The following KDM5D variants were observed in gnomAD, a reference collection of about 807,000 sequenced individuals.
KDM5D encodes the protein lysine-specific demethylase 5D.
Under a neutral mutation model 31.9 loss-of-function variants are expected in KDM5D, and 25 were observed. That is an observed-to-expected ratio of 0.78 (90% CI 0.57 to 1.09). KDM5D has a LOEUF of 1.09. Ranked by LOEUF, KDM5D falls within the 50% of genes least tolerant of loss-of-function variation. KDM5D has a pLI of 0.00. For missense variants in KDM5D, 366 were observed against 341.6 expected (o/e 1.07, Z -0.56); for synonymous variants, 146 against 122.3 (o/e 1.19, Z -1.28).
intron 22 of KDM5D, 25 bp downstream of exon 22, chrY:19,708,219 T>G: frequency 2.6e-6 from 1 of 389,278 alleles, no homozygotes; most frequent in South Asian, 3.1e-5. Context: ...AAGAAGAGGC[T>G]GTGGGTCAGG....
chrY:19,736,976 A>G (rs922231686), intron 6 of KDM5D, among the ~76,000 whole-genome samples: 2 of 33,432 alleles, frequency 6.0e-5, no homozygotes, highest in Non-Finnish European at 1.5e-4. Context: ...AGAAATACCA[A>G]TAAAGGCTGT....
chrY:19,710,063 T>A, intron 19 of KDM5D: 1 of 354,363 alleles, frequency 2.8e-6, no homozygotes, highest in Non-Finnish European at 3.8e-6. Context: ...TCTAGTAAGC[T>A]TTCTAAGACT....
Position 19,706,260 on chromosome Y carries a change from C to T in KDM5D, c.4355G>A (p.Arg1452Lys), listed in dbSNP as rs1386551959. ...CTGTTGAACAAGATTCTCAACGTTT[C>T]TACCCTGATCCACCTTCTGCCGCCG... Reference protein sequence around the residue: ...RRRRQKVDQGRNVENLVQQEL... With the variant: ...RRRRQKVDQGKNVENLVQQEL... Residue 1452 changes from arginine (R) to lysine (K), a missense_variant, in exon 27 of 27, where the codon AGA (arginine) becomes AAA (lysine). Coordinates refer to ENST00000317961, the MANE Select transcript of KDM5D (RefSeq NM_004653.5). 6 of 396,683 alleles carry T rather than the reference C, an allele frequency of 1.5e-5. No homozygotes were observed. Among genetic ancestry groups the T allele is most frequent in the Non-Finnish European group, 2.1e-5 (6 of 282,567 alleles).
At chrY:19,718,150 G>GT (rs1603545808) in intron 13 of KDM5D, among the ~76,000 whole-genome samples, 13 of 34,433 alleles carry the variant, frequency 3.8e-4, no homozygotes, top group African/African-American at 1.5e-3. Context: ...ATGGAAAGCA[G>GT]TAAGTTCCTC....
intron 6 of KDM5D, among the ~76,000 whole-genome samples, chrY:19,738,285 T>C: frequency 2.9e-5 from 1 of 33,982 alleles, no homozygotes; most frequent in Non-Finnish European, 7.3e-5. Context: ...TGTTCATTTT[T>C]CTTATTCAGT....
chrY:19,711,748 AAACAT>A (rs2045299928), intron 18 of KDM5D, among the ~76,000 whole-genome samples: 2 of 33,440 alleles, frequency 6.0e-5, no homozygotes, highest in African/African-American at 2.3e-4. Context: ...AATGAAGACA[AAACAT>A]AAGAAACTAA....
chrY:19,743,817 G>C, intron 2 of KDM5D, among the ~76,000 whole-genome samples: 1 of 34,050 alleles, frequency 2.9e-5, no homozygotes, highest in Non-Finnish European at 7.3e-5. Flanking sequence ...GACAGCCCAG[G>C]CTTATTTCAG....
intron 11 of KDM5D, among the ~76,000 whole-genome samples, chrY:19,731,161 A>G: frequency 3.0e-5 from 1 of 33,539 alleles, no homozygotes; most frequent in Admixed American, 2.7e-4. Flanking sequence ...TAATTTCTCA[A>G]ATGTTCAAAT....
rs1397530857 is a variant in KDM5D at position 19,721,201 on chromosome Y, C to T, written c.1482G>A (p.Val494=). The T allele has an allele frequency of 2.5e-6, 1 of 397,927 alleles. No homozygotes were observed. The highest frequency in any genetic ancestry group is 9.2e-5 in the East Asian group (1 of 10,834). ...ISGMKVPWLY[V]GMVFSAFCWH... is the part of the protein sequence containing the mutation. Reference sequence around the variant, plus strand: ...AACAAAATGCTGAGAAAACCATGCCCACGTACAGCCAGGGCACCTTCATGC... The same window carrying T: ...AACAAAATGCTGAGAAAACCATGCCTACGTACAGCCAGGGCACCTTCATGC... Residue 494 remains valine, a synonymous_variant, in exon 12 of 27, where the codon GTG becomes GTA. Transcript: ENST00000317961.
chrY:19,705,367 T>A lies in KDM5D; in HGVS notation c.*628A>T, dbSNP rs1603545671. 2 of 33,847 alleles carry A rather than the reference T, an allele frequency of 5.9e-5. No individual in the cohort carries two copies. Among genetic ancestry groups the A allele is most frequent in the Non-Finnish European group, 1.5e-4 (2 of 13,654 alleles). The allele number at this position is 33,847 out of a possible 400,897, so 8.4% of individuals were successfully genotyped here. Reference sequence around the variant, plus strand: ...TACGTTGACCCATGCTACTGTTGTTTCCTAACCTCAGTCCTTCACTCGTAC... The same window carrying A: ...TACGTTGACCCATGCTACTGTTGTTACCTAACCTCAGTCCTTCACTCGTAC... On this transcript the variant is annotated 3_prime_UTR_variant, in exon 27 of 27. Transcript: ENST00000317961.
intron 5 of KDM5D, among the ~76,000 whole-genome samples, chrY:19,740,347 T>A: frequency 3.1e-5 from 1 of 32,357 alleles, no homozygotes; most frequent in African/African-American, 1.2e-4. Flanking sequence ...GTCAGGTAGA[T>A]CACGAGGTCA....
In KDM5D at chrY:19,739,611, G is replaced by A; in HGVS notation, c.574C>T (p.Pro192Ser). ...DNEVKDKEYK[P>S]HSIPLRQSVQ... ...GACTGTCTAAGGGGGATGCTGTGGG[G>A]CTTGTATTCCTTATCTTTTACCTCA... is the stretch of plus-strand genomic sequence containing the variant. The change falls in exon 6 of 27, where the codon CCC (proline) becomes TCC (serine). Residue 192 changes from proline (P) to serine (S), a missense_variant. Physicochemically the swap from Pro to Ser is moderately conservative, Grantham distance 74 (BLOSUM62 -1). Coordinates refer to ENST00000317961, the MANE Select transcript of KDM5D (RefSeq NM_004653.5). 1 of 395,380 alleles carries A rather than the reference G, an allele frequency of 2.5e-6. No homozygotes were observed. Among genetic ancestry groups the A allele is most frequent in the Non-Finnish European group, 3.6e-6 (1 of 280,873 alleles).
Position 19,704,556 on chromosome Y carries a change from A to G in KDM5D, c.*1439T>C. ...CAGTATCAAAGAAAGAAAGAGGTGA[A>G]AAGAGTAGACAATAAGGAAGGTAGG... On this transcript the variant is annotated 3_prime_UTR_variant, in exon 27 of 27. Coordinates refer to ENST00000317961, the MANE Select transcript of KDM5D (RefSeq NM_004653.5). 1 of 32,739 alleles carries G rather than the reference A, an allele frequency of 3.1e-5. No homozygotes were observed. Among genetic ancestry groups the G allele is most frequent in the Non-Finnish European group, 7.5e-5 (1 of 13,378 alleles). 8.2% of individuals were successfully genotyped at this position (32,739 alleles called of 400,897 possible).
chrY:19,709,668 G>A lies in KDM5D; in HGVS notation c.2725C>T (p.Gln909Ter). 2.5e-6 allele frequency: 1 copy of A among 395,712 alleles called. No homozygotes were observed. The highest frequency in any genetic ancestry group is 7.6e-5 in the Admixed American group (1 of 13,160). Residue 909 changes from glutamine to a stop codon, truncating the protein, a stop_gained, in exon 20 of 27, where the codon CAG becomes TAG. Transcript: ENST00000317961. LOFTEE classifies it high-confidence loss of function. Reference protein sequence around the residue: ...GVEVPEAHQLQQQVEQAQWLD... With the variant: ...GVEVPEAHQL ...CATTGCGCCTGCTCCACCTGCTGCT[G>A]AAGCTGATGGGCTTCAGGCACCTCT...
intron 10 of KDM5D, 48 bp from the exon 11 acceptor site, chrY:19,731,978 C>T (rs72625372): frequency 7.4e-5 from 29 of 392,424 alleles, no homozygotes; most frequent in Middle Eastern, 5.9e-4. Flanking sequence ...ATACTTTGGA[C>T]TCATGTCTCC....
At position 19,709,553 on chromosome Y, in the gene KDM5D, ATC is replaced by A. The variant is rs2045279791; in HGVS notation, c.2838_2839del (p.Lys946AsnfsTer13). Reference sequence around the variant, plus strand: ...CTTGTCCACAGAAGGGCTGGAGGCTATCTTGGCACCCATAACCAAAAGCCCCT... The same window carrying A: ...CTTGTCCACAGAAGGGCTGGAGGCTATTGGCACCCATAACCAAAAGCCCCT... On this transcript the variant is annotated frameshift_variant, in exon 20 of 27. Transcript: ENST00000317961. LOFTEE classifies it high-confidence loss of function. 2.5e-6 allele frequency: 1 copy of A among 396,953 alleles called. No individual in the cohort carries two copies. The highest frequency in any genetic ancestry group is 3.5e-6 in the Non-Finnish European group (1 of 283,175).
chrY:19,720,454 C>T, intron 13 of KDM5D, among the ~76,000 whole-genome samples: 2 of 33,405 alleles, frequency 6.0e-5, no homozygotes, highest in African/African-American at 1.2e-4. Flanking sequence ...CCATGTACCA[C>T]ATACACATTG....
intron 18 of KDM5D, chrY:19,710,744 C>T: frequency 9.7e-6 from 1 of 102,959 alleles, no homozygotes. Context: ...ACCATGCCAC[C>T]ACGGTACTAC....
chrY:19,744,719 C>G lies in KDM5D; in HGVS notation c.-68G>C. 1 of 129,129 alleles carries G rather than the reference C, an allele frequency of 7.7e-6. No individual in the cohort carries two copies. The allele number at this position is 129,129 out of a possible 400,897, so 32.2% of individuals were successfully genotyped here. A position where few individuals can be genotyped will look rare whatever the true frequency, so the allele number is the denominator to read the frequency against. The stretch of plus-strand genomic sequence containing the variant: ...ACAGCCACCATCTTGACCTCCGGGC[C>G]CTGCAGTGTGGTACGAGCCGTCTCA... On this transcript the variant is annotated 5_prime_UTR_variant, in exon 1 of 27. Coordinates refer to ENST00000317961, the MANE Select transcript of KDM5D (RefSeq NM_004653.5).
Sources: allele counts gnomAD v4.1 joint callset (sites outside exome capture counted in the v4.1 genomes callset), GRCh38; gene constraint gnomAD v4.1.1; transcripts MANE v1.5; gene names NCBI Gene and HGNC (gene_info 2026-07-23, HGNC 2026-07-21).